Variants in RTF1 observed in about 807,000 individuals in gnomAD.
RTF1 encodes RTF1 homolog, Paf1/RNA polymerase II complex component, also known as RNA polymerase-associated protein RTF1 homolog.
Under a neutral mutation model 95.7 loss-of-function variants are expected in RTF1, and 10 were observed. The ratio of observed to expected loss-of-function variants is 0.10; its 90% CI spans 0.06 to 0.18. The LOEUF (loss-of-function observed/expected upper bound fraction) is 0.18, where lower values mean the gene tolerates loss of function less well. Among genes scored for constraint, RTF1 ranks in the 10% least tolerant of loss-of-function variants. The probability of loss-of-function intolerance (pLI) is 1.00; values close to 1 mark genes in which losing one functional copy is unlikely to be tolerated. For synonymous variants in RTF1, 305 were observed against 311.8 expected (o/e 0.98, Z 0.23); for missense variants, 458 against 875.6 (o/e 0.52, Z 6.02).
chr15:41,477,091 G>A, intron 12 of RTF1, 74 bp from the exon 13 acceptor site: 1 of 1,595,246 alleles, frequency 6.3e-7, no homozygotes. Context: ...GCCTGTGCTG[G>A]AAGTAAGGGG....
intron 16 of RTF1, 152 bp from the exon 17 acceptor site, chr15:41,480,062 G>A: frequency 1.7e-6 from 1 of 605,128 alleles, no homozygotes; most frequent in Non-Finnish European, 2.9e-6. Flanking sequence ...CTCTTTGTCT[G>A]TGGCCTCCCT....
chr15:41,435,681 G>A (rs951775942), intron 1 of RTF1, among the ~76,000 whole-genome samples: 1 of 152,046 alleles, frequency 6.6e-6, no homozygotes, highest in African/African-American at 2.4e-5. Flanking sequence ...ATCTGAGAAG[G>A]TCATTTCTCA....
chr15:41,446,514 C>T (rs1300535903), intron 2 of RTF1, among the ~76,000 whole-genome samples: 4 of 151,620 alleles, frequency 2.6e-5, no homozygotes, highest in African/African-American at 4.9e-5. Flanking sequence ...TGCAGTGAGC[C>T]GAGATTGTGC....
intron 8 of RTF1, among the ~76,000 whole-genome samples, chr15:41,473,090 C>T (rs1275190745): frequency 6.6e-6 from 1 of 152,160 alleles, no homozygotes; most frequent in African/African-American, 2.4e-5. Flanking sequence ...AAGTGATGTT[C>T]TGGCCTCAGC....
At chr15:41,478,094 AT>A (rs543351343) in intron 14 of RTF1, among the ~76,000 whole-genome samples, 59 of 147,498 alleles carry the variant, frequency 4.0e-4, no homozygotes, top group Admixed American at 1.2e-3. Context: ...GAGAGCGAGA[AT>A]CCATTTAAAA....
intron 1 of RTF1, among the ~76,000 whole-genome samples, chr15:41,421,597 C>T (rs933112819): frequency 6.7e-6 from 1 of 149,578 alleles, no homozygotes; most frequent in South Asian, 2.1e-4. Flanking sequence ...CACCGTTTCT[C>T]TTCAGCCCAG....
At chr15:41,431,732 C>G (rs1376734178) in intron 1 of RTF1, among the ~76,000 whole-genome samples, 1 of 152,014 alleles carries the variant, frequency 6.6e-6, no homozygotes, top group Non-Finnish European at 1.5e-5. Flanking sequence ...TTCCTGGGCT[C>G]AAACGATCAG....
intron 2 of RTF1, among the ~76,000 whole-genome samples, chr15:41,442,890 AAAAT>A (rs2050742799): frequency 6.6e-6 from 1 of 152,192 alleles, no homozygotes; most frequent in Admixed American, 6.6e-5. Context: ...CATCTCAATA[AAAAT>A]AAATAAATTA....
intron 6 of RTF1, 135 bp from the exon 7 acceptor site, chr15:41,470,122 C>T: frequency 1.1e-6 from 1 of 882,686 alleles, no homozygotes; most frequent in Non-Finnish European, 1.7e-6. Context: ...CTGTATATAC[C>T]CCAAGTTAGC....
intron 1 of RTF1, 26 bp downstream of exon 1, chr15:41,417,339 G>C: frequency 8.0e-7 from 1 of 1,245,762 alleles, no homozygotes; most frequent in Non-Finnish European, 1.0e-6. Context: ...GGAGGCGCGG[G>C]CCGGCGGAGC....
intron 3 of RTF1, among the ~76,000 whole-genome samples, chr15:41,453,634 A>G (rs550156062): frequency 6.6e-6 from 1 of 151,746 alleles, no homozygotes; most frequent in East Asian, 1.9e-4. Context: ...GGCTGAGGCG[A>G]GAGGCTTGCT....
chr15:41,474,269 C>G (rs991631101), intron 8 of RTF1, among the ~76,000 whole-genome samples: 1 of 152,200 alleles, frequency 6.6e-6, no homozygotes. Context: ...TCCTGAAATG[C>G]TTGGCAACAG....
intron 4 of RTF1, among the ~76,000 whole-genome samples, chr15:41,458,311 T>C (rs995945184): frequency 6.6e-6 from 1 of 152,080 alleles, no homozygotes; most frequent in East Asian, 1.9e-4. Flanking sequence ...TAAATACTAG[T>C]TGAGTGAATG....
At chr15:41,469,848 A>G (rs1040754059) in intron 6 of RTF1, among the ~76,000 whole-genome samples, 14 of 152,134 alleles carry the variant, frequency 9.2e-5, no homozygotes, top group African/African-American at 3.1e-4. Context: ...TTATAGCTGC[A>G]TAGTAGTTCA....
At chr15:41,464,256 CTT>C (rs764013297) in intron 4 of RTF1, among the ~76,000 whole-genome samples, 4 of 140,656 alleles carry the variant, frequency 2.8e-5, no homozygotes, top group Non-Finnish European at 3.1e-5. Context: ...CTTTCTCTCT[CTT>C]TTTTTTTTTT....
At chr15:41,469,039 G>A (rs1224616714) in intron 6 of RTF1, among the ~76,000 whole-genome samples, 1 of 151,752 alleles carries the variant, frequency 6.6e-6, no homozygotes, top group Non-Finnish European at 1.5e-5. Flanking sequence ...CGCGATCTCG[G>A]CTCATTGCAA....
At chr15:41,472,481 A>G (rs1220054627) in intron 8 of RTF1, among the ~76,000 whole-genome samples, 1 of 151,542 alleles carries the variant, frequency 6.6e-6, no homozygotes, top group South Asian at 2.1e-4. Context: ...TGCTGGGATT[A>G]TTGACATGAG....
At chr15:41,429,049 T>C (rs189229387) in intron 1 of RTF1, among the ~76,000 whole-genome samples, 2 of 152,198 alleles carry the variant, frequency 1.3e-5, no homozygotes, top group Admixed American at 6.6e-5. Flanking sequence ...AGCGAATTGA[T>C]TTTTAATTTT....
chr15:41,434,465 C>T (rs1051984188), intron 1 of RTF1, among the ~76,000 whole-genome samples: 1 of 152,098 alleles, frequency 6.6e-6, no homozygotes. Context: ...ATGATTCCAT[C>T]TATATGATGT....
Sources: allele counts gnomAD v4.1 joint callset (sites outside exome capture counted in the v4.1 genomes callset), GRCh38; gene constraint gnomAD v4.1.1; transcripts MANE v1.5; gene names NCBI Gene and HGNC (gene_info 2026-07-23, HGNC 2026-07-21).